The following HK2 variants were observed in gnomAD, a reference collection of about 807,000 sequenced individuals.
HK2 encodes the protein hexokinase-2.
HK2 carries 42 observed loss-of-function variants against 92.9 expected under a neutral mutation model. The ratio of observed to expected loss-of-function variants is 0.45; its 90% CI spans 0.35 to 0.58. HK2 has a LOEUF of 0.58. Among genes scored for constraint, HK2 ranks in the 20% least tolerant of loss-of-function variants. HK2 has a pLI of 0.00. For synonymous variants in HK2, 422 were observed against 468.0 expected (o/e 0.90, Z 1.27); for missense variants, 978 against 1,245.1 (o/e 0.79, Z 3.23).
At chr2:74,842,503 C>T (rs1449855139) in intron 1 of HK2, among the ~76,000 whole-genome samples, 2 of 152,170 alleles carry the variant, frequency 1.3e-5, no homozygotes, top group Non-Finnish European at 2.9e-5. Context: ...TTAGATGTCC[C>T]ACTGCACCGT....
intron 1 of HK2, among the ~76,000 whole-genome samples, chr2:74,852,715 T>C (rs1272748925): frequency 6.7e-6 from 1 of 148,302 alleles, no homozygotes; most frequent in Non-Finnish European, 1.5e-5. Flanking sequence ...AAAAAACGAG[T>C]GAGAGTTATC....
At chr2:74,854,263 G>A in intron 1 of HK2, 30 bp from the exon 2 acceptor site, 1 of 1,609,850 alleles carries the variant, frequency 6.2e-7, no homozygotes, top group Non-Finnish European at 8.5e-7. Flanking sequence ...TTAACCAGTG[G>A]TTTCTGCTCT....
chr2:74,874,543 T>G, intron 7 of HK2, 94 bp downstream of exon 7: 1 of 1,245,474 alleles, frequency 8.0e-7, no homozygotes, highest in African/African-American at 1.5e-5. Context: ...TTTACAGTCT[T>G]ACATCCCCAA....
intron 1 of HK2, among the ~76,000 whole-genome samples, chr2:74,840,579 G>T (rs933741407): frequency 6.6e-6 from 1 of 151,828 alleles, no homozygotes; most frequent in African/African-American, 2.4e-5. Context: ...CAAAGCTGTG[G>T]GGGTTATGCC....
At chr2:74,858,871 G>A (rs1289853096) in intron 2 of HK2, among the ~76,000 whole-genome samples, 1 of 150,662 alleles carries the variant, frequency 6.6e-6, no homozygotes, top group African/African-American at 2.4e-5. Flanking sequence ...GGGAATGTCA[G>A]TAGCCACTGA....
At chr2:74,846,675 A>C (rs546404239) in intron 1 of HK2, among the ~76,000 whole-genome samples, 1 of 152,244 alleles carries the variant, frequency 6.6e-6, no homozygotes, top group East Asian at 1.9e-4. Context: ...TGTTTTTAAG[A>C]GACAGGGTCT....
chr2:74,854,664 T>C (rs1235674770), intron 2 of HK2, among the ~76,000 whole-genome samples: 3 of 152,242 alleles, frequency 2.0e-5, no homozygotes, highest in Non-Finnish European at 4.4e-5. Context: ...GGCACCTTTG[T>C]CAGCCCTACT....
chr2:74,856,606 C>T (rs1364753235), intron 2 of HK2, among the ~76,000 whole-genome samples: 1 of 152,228 alleles, frequency 6.6e-6, no homozygotes, highest in Non-Finnish European at 1.5e-5. Flanking sequence ...TTTCTAAATA[C>T]ATATGGGCTA....
intron 10 of HK2, 86 bp downstream of exon 10, chr2:74,880,655 T>C (rs1689365530): frequency 1.5e-6 from 2 of 1,341,528 alleles, no homozygotes; most frequent in Middle Eastern, 1.8e-4. Context: ...AGCATTAGCA[T>C]TGGACATTTG....
At chr2:74,885,020 G>A (rs1333682149) in intron 12 of HK2, among the ~76,000 whole-genome samples, 2 of 152,202 alleles carry the variant, frequency 1.3e-5, no homozygotes, top group Non-Finnish European at 2.9e-5. Context: ...CCCTTCTGAT[G>A]TAAAGGATAG....
chr2:74,853,778 C>T (rs1463269928), intron 1 of HK2, among the ~76,000 whole-genome samples: 1 of 151,888 alleles, frequency 6.6e-6, no homozygotes, highest in Non-Finnish European at 1.5e-5. Context: ...AGCTTTGTTC[C>T]AATGGAAAGC....
chr2:74,854,186 A>G (rs1257554261), intron 1 of HK2, 107 bp from the exon 2 acceptor site: 24 of 1,033,818 alleles, frequency 2.3e-5, no homozygotes, highest in Non-Finnish European at 3.6e-5. Context: ...CTTTCTGTAC[A>G]TAACAGATTT....
At chr2:74,855,113 C>A (rs1688664831) in intron 2 of HK2, among the ~76,000 whole-genome samples, 1 of 152,324 alleles carries the variant, frequency 6.6e-6, no homozygotes, top group African/African-American at 2.4e-5. Context: ...TCTCCTGCCT[C>A]ACCCTCTGGA....
In HK2 at chr2:74,867,682, T is replaced by C. The variant is rs1346672971; in HGVS notation, c.273T>C (p.Arg91=). ...LALDLGGTNF[R]VLWVKVTDNG... ...TGGATCTTGGAGGGACCAACTTCCG[T>C]GTGCTTTGGGTGAAAGTAACGGACA... The change falls in exon 3 of 18, where the codon CGT becomes CGC. Residue 91 remains arginine (R), a synonymous_variant. Transcript: ENST00000290573. 1.2e-6 allele frequency: 2 copies of C among 1,614,090 alleles called. No individual in the cohort carries two copies. Among genetic ancestry groups the C allele is most frequent in the Non-Finnish European group, 1.7e-6 (2 of 1,180,016 alleles).
At chr2:74,851,008 C>T (rs1688554144) in intron 1 of HK2, among the ~76,000 whole-genome samples, 2 of 152,158 alleles carry the variant, frequency 1.3e-5, no homozygotes, top group Admixed American at 1.3e-4. Context: ...TGTTTCATAT[C>T]CACAGCTGTT....
intron 13 of HK2, 106 bp downstream of exon 13, chr2:74,885,695 G>C: frequency 1.2e-6 from 1 of 807,990 alleles, no homozygotes; most frequent in Admixed American, 1.8e-5. Flanking sequence ...GCATGGGTTG[G>C]GAGGAAGATT....
At chr2:74,888,344 A>G (rs904418161) in intron 16 of HK2, among the ~76,000 whole-genome samples, 1 of 152,266 alleles carries the variant, frequency 6.6e-6, no homozygotes, top group African/African-American at 2.4e-5. Flanking sequence ...ATACCTGCTC[A>G]TAGCATGTAA....
intron 1 of HK2, among the ~76,000 whole-genome samples, chr2:74,836,557 T>G (rs1688171995): frequency 6.6e-6 from 1 of 152,192 alleles, no homozygotes; most frequent in South Asian, 2.1e-4. Context: ...TTCCTGTAGG[T>G]TTTCTCTACC....
chr2:74,885,144 G>A lies in HK2; in HGVS notation c.1840-350G>A, dbSNP rs28363046. ...CCATTCACTGGGGTCGGAGGGCCTC[G>A]GAGTGCATCCTGCTTCTCTCTTCCA... On this transcript the variant is annotated intron_variant, in intron 12 of 17. Transcript: ENST00000290573. Among the ~76,000 whole-genome samples the A allele has an allele frequency of 2.1e-3, 321 of 152,254 alleles. 1 individual carries two copies. Among genetic ancestry groups the A allele is most frequent in the African/African-American group, 7.5e-3 (312 of 41,536 alleles).
Sources: allele counts gnomAD v4.1 joint callset (sites outside exome capture counted in the v4.1 genomes callset), GRCh38; gene constraint gnomAD v4.1.1; transcripts MANE v1.5; gene names NCBI Gene and HGNC (gene_info 2026-07-23, HGNC 2026-07-21).